Variants in TTN observed in about 807,000 individuals in gnomAD.
TTN encodes the protein titin.
In TTN, 1,525 loss-of-function variants were observed where a neutral mutation model predicts 3,223.0. The observed-to-expected ratio is 0.47, with a 90% CI of 0.45 to 0.49. The LOEUF is 0.49. Ranked by LOEUF, TTN falls within the 20% of genes least tolerant of loss-of-function variation. TTN has a pLI of 0.00. For missense variants in TTN, 40,786 were observed against 43,424.0 expected (o/e 0.94, Z 5.40); for synonymous variants, 14,094 against 15,161.0 (o/e 0.93, Z 5.17).
Position 178,532,045 on chromosome 2 carries a change from A to G in TTN, c.104570T>C (p.Leu34857Pro), listed in dbSNP as rs368765896. 27 of 1,613,946 alleles carry G rather than the reference A, an allele frequency of 1.7e-5. No homozygotes were observed. Among genetic ancestry groups the G allele is most frequent in the Non-Finnish European group, 2.2e-5 (26 of 1,179,860 alleles). The part of the protein sequence containing the change: ...YIELMRPVSE[L>P]IRSRPQPAEE... ...AGCCGGTTGTGGACGTGACCGGATC[A>G]GCTCAGACACTGGCCTCATTAACTC... The change falls in exon 358 of 363, where the codon CTG (leucine) becomes CCG (proline). Residue 34857 changes from leucine to proline, a missense_variant. Transcript: ENST00000589042.
chr2:178,665,619 T>A, intron 164 of TTN, 89 bp downstream of exon 164: 1 of 1,238,654 alleles, frequency 8.1e-7, no homozygotes, highest in Middle Eastern at 2.9e-4. Flanking sequence ...ATATTAATTG[T>A]CTTTGTTTAT....
chr2:178,712,356 G>A lies in TTN; in HGVS notation c.27566C>T (p.Ala9189Val). The change falls in exon 95 of 363, where the codon GCC (alanine) becomes GTC (valine). Residue 9189 changes from alanine to valine, a missense_variant. Coordinates refer to ENST00000589042, the MANE Select transcript of TTN (RefSeq NM_001267550.2). Reference protein sequence around the residue: ...AGQYNCYIENASGKDSCSAQI... With the variant: ...AGQYNCYIENVSGKDSCSAQI... ...TGCTGAACAGGAATCTTTTCCAGAG[G>A]CATTTTCAATGTAGCAGTTGTATTG... 7.4e-6 allele frequency: 12 copies of A among 1,613,738 alleles called. No individual in the cohort carries two copies. The highest frequency in any genetic ancestry group is 1.3e-5 in the African/African-American group (1 of 75,018).
Position 178,731,969 on chromosome 2 carries a change from A to C in TTN, c.16906T>G (p.Ser5636Ala), listed in dbSNP as rs1293308234. ...TTAAATTCCTTGGTAAAATAAGGTG[A>C]CTCTACAGTAAAAAAGGAATGATTT... Reference protein sequence around the residue: ...HCSSIVIVKESPYFTKEFKPI... With the variant: ...HCSSIVIVKEAPYFTKEFKPI... The change falls in exon 58 of 363, where the codon TCA (serine) becomes GCA (alanine). Residue 5636 changes from serine (S) to alanine (A), a missense_variant and splice_region_variant. Ser to Ala is a moderately conservative substitution (Grantham distance 99). Transcript: ENST00000589042. The C allele has an allele frequency of 1.2e-6, 2 of 1,601,958 alleles. No homozygotes were observed. Among genetic ancestry groups the C allele is most frequent in the Non-Finnish European group, 1.7e-6 (2 of 1,171,736 alleles).
At chr2:178,527,368 T>G in intron 362 of TTN, 61 bp from the exon 363 acceptor site, 1 of 1,563,060 alleles carries the variant, frequency 6.4e-7, no homozygotes, top group Non-Finnish European at 8.6e-7. Flanking sequence ...AAGATTTGCT[T>G]TCTACTGAAT....
At chr2:178,749,392 A>C (rs1435683527) in intron 47 of TTN, 1 of 1,613,100 alleles carries the variant, frequency 6.2e-7, no homozygotes, top group African/African-American at 1.3e-5. Flanking sequence ...CACCATGCAC[A>C]AATCTGGGAA....
Position 178,535,645 on chromosome 2 carries a change from T to C in TTN, c.100970A>G (p.Asn33657Ser), listed in dbSNP as rs769340667. 5.6e-6 allele frequency: 9 copies of C among 1,613,790 alleles called. No homozygotes were observed. The highest frequency in any genetic ancestry group is 5.0e-5 in the Admixed American group (3 of 60,004). ...TRSFTSLVFP[N>S]GVERKDAGFY... ...ACCAGCATCTTTTCTCTCTACCCCA[T>C]TGGGGAAAACAAGTGATGTGAAGGA... is the stretch of plus-strand genomic sequence containing the variant. Residue 33657 changes from asparagine (N) to serine (S), a missense_variant, in exon 358 of 363, where the codon AAT becomes AGT. Coordinates refer to ENST00000589042, the MANE Select transcript of TTN (RefSeq NM_001267550.2).
In TTN at chr2:178,554,114, C is replaced by T; in HGVS notation, c.88997G>A (p.Ser29666Asn). The change falls in exon 333 of 363, where the codon AGT becomes AAT. Residue 29666 changes from serine (S) to asparagine (N), a missense_variant. Ser to Asn is a conservative substitution (Grantham distance 46, BLOSUM62 1). Transcript: ENST00000589042. ...RPIADGGSDISGYFLEKRDKK... is the reference protein window; with the variant it reads ...RPIADGGSDINGYFLEKRDKK... ...GTCTCGTTTTTCAAGGAAATAGCCA[C>T]TTATATCACTACCGCCATCTGCAAT... 1.2e-6 allele frequency: 2 copies of T among 1,613,892 alleles called. No individual in the cohort carries two copies. The highest frequency in any genetic ancestry group is 1.7e-6 in the Non-Finnish European group (2 of 1,179,832).
Position 178,567,956 on chromosome 2 carries a change from A to G in TTN, c.78176T>C (p.Ile26059Thr), listed in dbSNP as rs757758607. 10 of 1,613,458 alleles carry G rather than the reference A, an allele frequency of 6.2e-6. No individual in the cohort carries two copies. The highest frequency in any genetic ancestry group is 1.6e-4 in the Middle Eastern group (1 of 6,074). Residue 26059 changes from isoleucine to threonine, a missense_variant, in exon 326 of 363, where the codon ATT (isoleucine) becomes ACT (threonine). Ile to Thr is a moderately conservative substitution (Grantham distance 89). Coordinates refer to ENST00000589042, the MANE Select transcript of TTN (RefSeq NM_001267550.2). Reference protein sequence around the residue: ...QFKAQNLEEGIEYEFRVYAEN... With the variant: ...QFKAQNLEEGTEYEFRVYAEN... ...AGCATACACTCTGAATTCATATTCA[A>G]TGCCTTCTTCAAGATTCTGTGCTTT...
chr2:178,585,643 CCATGTGTT>C (rs2048777535), intron 308 of TTN, among the ~76,000 whole-genome samples: 1 of 151,990 alleles, frequency 6.6e-6, no homozygotes, highest in South Asian at 2.1e-4. Flanking sequence ...CTCCCTGTGT[CCATGTGTT>C]TTCATTGTTC....
chr2:178,597,125 G>C (rs927589867), intron 294 of TTN, among the ~76,000 whole-genome samples: 3 of 152,106 alleles, frequency 2.0e-5, no homozygotes, highest in Non-Finnish European at 2.9e-5. Flanking sequence ...TTTAAGGAAA[G>C]TTGCTTCTAT....
chr2:178,611,479 C>T lies in TTN; in HGVS notation c.50750G>A (p.Gly16917Asp). Residue 16917 changes from glycine to aspartate, a missense_variant, in exon 269 of 363, where the codon GGT (glycine) becomes GAT (aspartate). Physicochemically the swap from Gly to Asp is moderately conservative, Grantham distance 94. Coordinates refer to ENST00000589042, the MANE Select transcript of TTN (RefSeq NM_001267550.2). ...IKDLKFKVEE[G>D]VVPDKEYVLR... Reference sequence around the variant, plus strand: ...GACATATTCTTTGTCAGGAACAACACCTTCTTCAACCTTGAATTTCAAGTC... The same window carrying T: ...GACATATTCTTTGTCAGGAACAACATCTTCTTCAACCTTGAATTTCAAGTC... 1 of 1,612,960 alleles carries T rather than the reference C, an allele frequency of 6.2e-7. No individual in the cohort carries two copies. The highest frequency in any genetic ancestry group is 8.5e-7 in the Non-Finnish European group (1 of 1,179,322).
intron 20 of TTN, 136 bp downstream of exon 20, chr2:178,782,076 A>T: frequency 9.6e-7 from 1 of 1,045,876 alleles, no homozygotes; most frequent in Non-Finnish European, 1.4e-6. Flanking sequence ...ATGTAAAAAT[A>T]CCTCAAAACA....
chr2:178,589,233 A>C lies in TTN; in HGVS notation c.62492T>G (p.Leu20831Arg). Residue 20831 changes from leucine (L) to arginine (R), a missense_variant, in exon 304 of 363, where the codon CTT becomes CGT. Leu to Arg is a moderately radical substitution (Grantham distance 102, BLOSUM62 -2). Coordinates refer to ENST00000589042, the MANE Select transcript of TTN (RefSeq NM_001267550.2). ...CCCATCACTTCGCTTTGCTTTAGTA[A>C]GAGAAAATTTAGATGAATCAGCACG... The part of the protein sequence containing the change: ...DTRADSSKFS[L>R]TKAKRSDGGK... 6.2e-7 allele frequency: 1 copy of C among 1,613,500 alleles called. No homozygotes were observed. The highest frequency in any genetic ancestry group is 1.1e-5 in the South Asian group (1 of 91,078).
At chr2:178,637,491 G>A in intron 223 of TTN, 72 bp from the exon 224 acceptor site, 1 of 911,000 alleles carries the variant, frequency 1.1e-6, no homozygotes, top group Non-Finnish European at 1.5e-6. Context: ...AAACCATGGA[G>A]GGTGAGTCAT....
intron 103 of TTN, 71 bp from the exon 104 acceptor site, chr2:178,705,037 C>G: frequency 1.3e-6 from 2 of 1,584,650 alleles, no homozygotes; most frequent in South Asian, 1.1e-5. Flanking sequence ...TGACTATATT[C>G]AGCTTCCATT....
chr2:178,618,124 C>T (rs778696322), intron 252 of TTN, 43 bp from the exon 253 acceptor site: 23 of 1,610,066 alleles, frequency 1.4e-5, no homozygotes, highest in South Asian at 4.4e-5. Context: ...TTTGGGGTAA[C>T]GATGATGAAG....
intron 38 of TTN, 74 bp from the exon 39 acceptor site, chr2:178,768,229 C>T (rs1041860791): frequency 2.0e-6 from 3 of 1,505,476 alleles, no homozygotes; most frequent in African/African-American, 1.4e-5. Context: ...CTGTACAATC[C>T]ACCAATTTAA....
At chr2:178,765,360 A>T (rs1255394832) in intron 41 of TTN, among the ~76,000 whole-genome samples, 1 of 152,232 alleles carries the variant, frequency 6.6e-6, no homozygotes, top group Non-Finnish European at 1.5e-5. Flanking sequence ...TAGACTTAAC[A>T]AATTCAGCTT....
rs925196099 is a variant in TTN, at chr2:178,647,195, G to A, written c.40142-51C>T. On this transcript the variant is annotated intron_variant, in intron 214 of 362. Coordinates refer to ENST00000589042, the MANE Select transcript of TTN (RefSeq NM_001267550.2). ...TAGACTATATTTAGAACAGAATACT[G>A]CAACTACTATTCTAACATATCAACC... is the stretch of plus-strand genomic sequence containing the variant. 3.0e-5 allele frequency: 35 copies of A among 1,183,958 alleles called. No homozygotes were observed. The Middle Eastern group carries it at 1.8e-3, about 60-fold the overall frequency. The allele number at this position is 1,183,958 out of a possible 1,614,324, so 73.3% of individuals were successfully genotyped here.
Sources: gnomAD v4.1 joint callset for allele counts (sites outside exome capture counted in the v4.1 genomes callset) on GRCh38, gnomAD v4.1.1 for gene constraint, MANE v1.5 for transcripts, NCBI Gene and HGNC (gene_info 2026-07-23, HGNC 2026-07-21) for gene names.